Variants in MDGA2 observed in about 807,000 individuals in gnomAD.
The protein encoded by MDGA2 is MAM domain containing glycosylphosphatidylinositol anchor 2.
MDGA2 carries 40 observed loss-of-function variants against 117.8 expected under a neutral mutation model. The ratio of observed to expected loss-of-function variants is 0.34; its 90% CI spans 0.26 to 0.44. The LOEUF (loss-of-function observed/expected upper bound fraction) is 0.44. Ranked by LOEUF, MDGA2 falls within the 20% of genes least tolerant of loss-of-function variation. The probability of loss-of-function intolerance (pLI) is 1.00; values close to 1 mark genes in which losing one functional copy is unlikely to be tolerated. For synonymous variants in MDGA2, 452 were observed against 439.0 expected, an observed-to-expected ratio of 1.03 and a Z score of -0.37; for missense variants, 1,123 against 1,250.6, an observed-to-expected ratio of 0.90 and a Z score of 1.54.
intron 1 of MDGA2, among the ~76,000 whole-genome samples, chr14:47,627,844 G>T (rs1268669417): frequency 6.6e-6 from 1 of 152,138 alleles, no homozygotes; most frequent in Non-Finnish European, 1.5e-5. Flanking sequence ...CACTGTGAAG[G>T]TCTGCAGTTT....
chr14:47,001,767 T>C (rs528844755), intron 8 of MDGA2, among the ~76,000 whole-genome samples: 6 of 152,128 alleles, frequency 3.9e-5, no homozygotes, highest in African/African-American at 1.2e-4. Flanking sequence ...GTTACTGAAA[T>C]GCAAGGTTAT....
chr14:47,252,502 TAGCAATAA>T, intron 2 of MDGA2, among the ~76,000 whole-genome samples: 1 of 152,262 alleles, frequency 6.6e-6, no homozygotes, highest in African/African-American at 2.4e-5. Flanking sequence ...AAGCTCCTGA[TAGCAATAA>T]AGGTTTAAAA....
At chr14:47,578,107 T>C (rs1010685270) in intron 1 of MDGA2, among the ~76,000 whole-genome samples, 7 of 152,290 alleles carry the variant, frequency 4.6e-5, no homozygotes, top group African/African-American at 1.7e-4. Flanking sequence ...AATGAGATCA[T>C]GTCCTTTTCA....
intron 8 of MDGA2, among the ~76,000 whole-genome samples, chr14:47,007,991 A>G (rs555595432): frequency 2.9e-4 from 44 of 151,984 alleles, no homozygotes; most frequent in African/African-American, 1.1e-3. Context: ...CAATTTCCAA[A>G]TGCATTTGTT....
At chr14:47,229,475 TTTAATAAAAAATTAC>T (rs1167959431) in intron 2 of MDGA2, among the ~76,000 whole-genome samples, 1 of 152,068 alleles carries the variant, frequency 6.6e-6, no homozygotes, top group Non-Finnish European at 1.5e-5. Flanking sequence ...GCAAACAATT[TTTAATAAAAAATTAC>T]TTAATAAAAA....
rs146255992 is a variant in MDGA2 at position 47,085,015 on chromosome 14, C to A, written c.1195+11839G>T. On this transcript the variant is annotated intron_variant, in intron 6 of 16. Transcript: ENST00000399232. ...AATAACAAAAATATAATTAGAAAAC[C>A]CATGTGTTTGAAACTTCAGAAATAA... 6.3e-4 allele frequency among the ~76,000 whole-genome samples: 96 copies of A among 151,796 alleles called. 1 individual carries two copies. The highest frequency in any genetic ancestry group is 2.3e-3 in the African/African-American group (94 of 41,376).
At chr14:47,514,461 T>C (rs1894710463) in intron 1 of MDGA2, among the ~76,000 whole-genome samples, 1 of 152,156 alleles carries the variant, frequency 6.6e-6, no homozygotes, top group Non-Finnish European at 1.5e-5. Flanking sequence ...GGTATTTAGA[T>C]GTCTCTAATC....
At chr14:47,614,591 T>C (rs1896915813) in intron 1 of MDGA2, among the ~76,000 whole-genome samples, 1 of 152,332 alleles carries the variant, frequency 6.6e-6, no homozygotes, top group African/African-American at 2.4e-5. Context: ...TGTTCACCAA[T>C]GAGTGATTCT....
chr14:46,842,091 C>A, intron 16 of MDGA2, 72 bp from the exon 17 acceptor site: 1 of 888,162 alleles, frequency 1.1e-6, no homozygotes, highest in Non-Finnish European at 1.8e-6. Flanking sequence ...ACTAACACAA[C>A]CTTGGTGAAT....
chr14:47,542,671 T>G (rs1895376430), intron 1 of MDGA2, among the ~76,000 whole-genome samples: 1 of 152,178 alleles, frequency 6.6e-6, no homozygotes. Context: ...ATAATATCAT[T>G]TAAAAATTGC....
intron 1 of MDGA2, among the ~76,000 whole-genome samples, chr14:47,350,554 A>G (rs1159393542): frequency 6.6e-6 from 1 of 152,104 alleles, no homozygotes. Flanking sequence ...TTTGTAACAG[A>G]CATCGTGTGT....
chr14:47,044,814 A>T (rs1210744938), intron 7 of MDGA2, among the ~76,000 whole-genome samples: 1 of 152,204 alleles, frequency 6.6e-6, no homozygotes, highest in African/African-American at 2.4e-5. Context: ...CTAAGGGGAA[A>T]TGTCCACGCA....
intron 10 of MDGA2, among the ~76,000 whole-genome samples, chr14:46,889,106 T>C (rs1317935403): frequency 2.0e-5 from 3 of 152,044 alleles, no homozygotes; most frequent in Admixed American, 1.3e-4. Context: ...ACTATTGTTT[T>C]AATAACCCCT....
At chr14:47,653,189 T>C (rs77918735) in intron 1 of MDGA2, among the ~76,000 whole-genome samples, 6,920 of 152,218 alleles carry the variant, frequency 0.045, 144 homozygotes, top group Middle Eastern at 0.068. Flanking sequence ...ATCAATTTTC[T>C]ATGGAACACA....
chr14:46,985,983 G>A (rs1470526268), intron 8 of MDGA2, among the ~76,000 whole-genome samples: 1 of 151,988 alleles, frequency 6.6e-6, no homozygotes, highest in East Asian at 1.9e-4. Context: ...AAAGGTTGCT[G>A]TAAGAATGTG....
intron 10 of MDGA2, among the ~76,000 whole-genome samples, chr14:46,907,934 A>G (rs1883559988): frequency 2.6e-5 from 4 of 152,196 alleles, no homozygotes; most frequent in African/African-American, 9.6e-5. Context: ...GCTCAGAATG[A>G]GAGGCACATC....
rs763578745 is a variant in MDGA2, at chr14:46,877,527, GAAAC to G, written c.2417-22_2417-19del. 28 of 1,512,934 alleles carry G rather than the reference GAAAC, an allele frequency of 1.9e-5. No individual in the cohort carries two copies. Among genetic ancestry groups the G allele is most frequent in the South Asian group, 3.7e-5 (3 of 81,558 alleles). The allele number at this position is 1,512,934 out of a possible 1,614,324, so 93.7% of individuals were successfully genotyped here. On this transcript the variant is annotated intron_variant, in intron 11 of 16. Transcript: ENST00000399232. ...TACAGGAGCTACAAGAAAAGCAAAA[GAAAC>G]AAACAAACAAAAAAACAATGTTAGC...
At chr14:47,260,226 G>A (rs921477307) in intron 2 of MDGA2, among the ~76,000 whole-genome samples, 1 of 152,126 alleles carries the variant, frequency 6.6e-6, no homozygotes, top group Non-Finnish European at 1.5e-5. Context: ...AATTGATGCA[G>A]ATGAATTAAT....
Position 46,920,130 on chromosome 14 carries a change from T to G in MDGA2, c.2120A>C (p.Asp707Ala). 1 of 1,609,966 alleles carries G rather than the reference T, an allele frequency of 6.2e-7. No homozygotes were observed. The highest frequency in any genetic ancestry group is 1.3e-5 in the African/African-American group (1 of 74,894). Residue 707 changes from aspartate (D) to alanine (A), a missense_variant, in exon 10 of 17, where the codon GAT becomes GCT. By Grantham distance (126) the Asp-to-Ala change is moderately radical (BLOSUM62 -2). This residue lies in a region of MDGA2 where 890 missense variants were observed against 1,050.3 expected (regional missense o/e 0.85). Transcript: ENST00000399232. ...GKAYAPEFYY[D>A]TYNPVWQNRH... The stretch of plus-strand genomic sequence containing the variant: ...GTTCTGCCATACTGGATTGTAGGTA[T>G]CATAATAGAATTCTGGAGCATAGGC...
Sources: allele counts gnomAD v4.1 joint callset (sites outside exome capture counted in the v4.1 genomes callset), GRCh38; gene constraint gnomAD v4.1.1; regional missense constraint gnomAD v4.1.1; transcripts MANE v1.5; gene names NCBI Gene and HGNC (gene_info 2026-07-23, HGNC 2026-07-21).